MCM3AP: variants seen among roughly 807,000 people sequenced by gnomAD.
The protein encoded by MCM3AP is minichromosome maintenance complex component 3 associated protein, also known as germinal-center associated nuclear protein.
In MCM3AP, 126 loss-of-function variants were observed where a neutral mutation model predicts 184.1. That is an observed-to-expected ratio of 0.68 (90% confidence interval 0.59 to 0.79). The LOEUF (loss-of-function observed/expected upper bound fraction) is 0.79, where lower values mean the gene tolerates loss of function less well. Ranked by LOEUF, MCM3AP falls within the 30% of genes least tolerant of loss-of-function variation. The probability of loss-of-function intolerance (pLI) is 0.00; values close to 1 mark genes in which losing one functional copy is unlikely to be tolerated. For synonymous variants in MCM3AP, 1,002 were observed against 979.3 expected (o/e 1.02, Z -0.43); for missense variants, 2,496 against 2,479.2 (o/e 1.01, Z -0.14).
At chr21:46,251,484 A>C in intron 20 of MCM3AP, 45 bp downstream of exon 20, 1 of 1,510,116 alleles carries the variant, frequency 6.6e-7, no homozygotes, top group East Asian at 2.3e-5. Flanking sequence ...GAGTAAGTGA[A>C]AGTAATGAAA....
rs2081360591 is a variant in MCM3AP at position 46,283,650 on chromosome 21, T to C, written c.1408A>G (p.Ser470Gly). Residue 470 changes from serine (S) to glycine (G), a missense_variant, in exon 2 of 28, where the codon AGC becomes GGC. Physicochemically the swap from Ser to Gly is moderately conservative, Grantham distance 56 (BLOSUM62 0). Transcript: ENST00000291688. ...AKVQRIFTRR[S>G]KKLAVVHFFD... ...AAATGTACCACTGCAAGCTTTTTGC[T>C]GCGCCTGGTAAAGATGCGCTGCACT... is the stretch of plus-strand genomic sequence containing the variant. The C allele has an allele frequency of 6.2e-7, 1 of 1,614,014 alleles. No homozygotes were observed. Among genetic ancestry groups the C allele is most frequent in the Non-Finnish European group, 8.5e-7 (1 of 1,179,962 alleles).
rs753526941 is a variant in MCM3AP at position 46,236,909 on chromosome 21, G to A, written c.5704C>T (p.Leu1902Phe). 28 of 1,575,930 alleles carry A rather than the reference G, an allele frequency of 1.8e-5. No individual in the cohort carries two copies. The highest frequency in any genetic ancestry group is 2.4e-5 in the Non-Finnish European group (28 of 1,166,424). Residue 1902 changes from leucine to phenylalanine, a missense_variant, in exon 27 of 28, where the codon CTC (leucine) becomes TTC (phenylalanine). Leu to Phe is a conservative substitution (Grantham distance 22, BLOSUM62 0). This residue lies in a region of MCM3AP where 1,323 missense variants were observed against 1,273.4 expected (regional missense o/e 1.04). Transcript: ENST00000291688. ...GACACTAGAGTCTGAGGAAGATAGA[G>A]GGGAAGGGAAGTTAAATCCGTAAAT... ...GAFTDLTSLP[L>F]YLPQTLVSLS...
intron 23 of MCM3AP, 161 bp from the exon 24 acceptor site, chr21:46,243,883 AG>A (rs1426124364): frequency 2.9e-6 from 2 of 688,920 alleles, no homozygotes; most frequent in African/African-American, 3.6e-5. Context: ...GCTTGCTCCC[AG>A]GGTCTAGGTG....
intron 13 of MCM3AP, among the ~76,000 whole-genome samples, 190 bp from the exon 14 acceptor site, chr21:46,261,601 C>T (rs750339377): frequency 1.3e-5 from 2 of 151,934 alleles, no homozygotes; most frequent in Non-Finnish European, 2.9e-5. Context: ...GGCGCGGCAG[C>T]ACACGCCTGT....
At position 46,246,743 on chromosome 21, in the gene MCM3AP, C is replaced by G; in HGVS notation, c.4434G>C (p.Ser1478=). 1 of 1,614,206 alleles carries G rather than the reference C, an allele frequency of 6.2e-7. No individual in the cohort carries two copies. The highest frequency in any genetic ancestry group is 8.5e-7 in the Non-Finnish European group (1 of 1,180,034). The part of the protein sequence containing the change: ...DMAEEDVYWL[S]ALLQLKQLLQ... ...GGAGCTGCTTGAGCTGCAGCAAGGC[C>G]GACAGCCAGTACACGTCCTCCTCTG... The change falls in exon 21 of 28, where the codon TCG becomes TCC. Residue 1478 remains serine (S), a synonymous_variant. Coordinates refer to ENST00000291688, the MANE Select transcript of MCM3AP (RefSeq NM_003906.5).
At chr21:46,265,547 A>G (rs2081099735) in intron 11 of MCM3AP, 24 bp from the exon 12 acceptor site, 2 of 1,538,798 alleles carry the variant, frequency 1.3e-6, no homozygotes, top group Non-Finnish European at 8.8e-7. Context: ...TACAGGACAA[A>G]ACATAGCTGC....
chr21:46,260,167 CA>C (rs3834680), intron 15 of MCM3AP, among the ~76,000 whole-genome samples: 60,856 of 151,934 alleles, frequency 0.4, 12,534 homozygotes, highest in Admixed American at 0.47. Context: ...AAACTACAGA[CA>C]CCTAGAAAGA....
At chr21:46,276,162 C>CA (rs1179698094) in intron 5 of MCM3AP, among the ~76,000 whole-genome samples, 1 of 151,606 alleles carries the variant, frequency 6.6e-6, no homozygotes, top group Non-Finnish European at 1.5e-5. Flanking sequence ...TGAGGCAAGA[C>CA]AATCACTTGA....
chr21:46,255,755 C>T (rs17176660), intron 17 of MCM3AP, among the ~76,000 whole-genome samples: 1 of 150,262 alleles, frequency 6.7e-6, no homozygotes, highest in South Asian at 2.1e-4. Flanking sequence ...AGGGGGTGCG[C>T]AGAAGGGCAG....
chr21:46,265,873 TC>T (rs1385687476), intron 11 of MCM3AP, 51 bp downstream of exon 11: 1 of 1,506,130 alleles, frequency 6.6e-7, no homozygotes, highest in African/African-American at 1.4e-5. Context: ...TGGGAGGCGT[TC>T]TGGTGGGAAA....
intron 25 of MCM3AP, 90 bp from the exon 26 acceptor site, chr21:46,241,107 A>C: frequency 2.1e-6 from 2 of 946,728 alleles, no homozygotes; most frequent in Non-Finnish European, 3.3e-6. Context: ...GCACATGTGC[A>C]TTAACATGTA....
At chr21:46,239,709 G>A (rs910864143) in intron 26 of MCM3AP, among the ~76,000 whole-genome samples, 3 of 152,186 alleles carry the variant, frequency 2.0e-5, no homozygotes, top group African/African-American at 4.8e-5. Context: ...GGAGCTGTCA[G>A]AATAGTGATG....
rs1159298859 is a variant in MCM3AP, at chr21:46,277,549, C to G, written c.1836G>C (p.Gln612His). 4 of 1,591,060 alleles carry G rather than the reference C, an allele frequency of 2.5e-6. No homozygotes were observed. Among genetic ancestry groups the G allele is most frequent in the African/African-American group, 1.4e-5 (1 of 73,614 alleles). ...TACCTTGCCGCATGATCCTGTCTCT[C>G]TGGTCAAGCAGGCGGTACTTCTCCT... ...TSKEKYRLLD[Q>H]RDRIMRQARV... The change falls in exon 5 of 28, where the codon CAG becomes CAC. Residue 612 changes from glutamine to histidine, a missense_variant. Coordinates refer to ENST00000291688, the MANE Select transcript of MCM3AP (RefSeq NM_003906.5).
chr21:46,247,361 A>T (rs1189700335), intron 20 of MCM3AP: 2 of 152,490 alleles, frequency 1.3e-5, no homozygotes, highest in Non-Finnish European at 2.9e-5. Flanking sequence ...TTCAGATATA[A>T]GGCATGTTCA....
At position 46,273,415 on chromosome 21, in the gene MCM3AP, C is replaced by G. The variant is rs1180473679; in HGVS notation, c.2169G>C (p.Val723=). 1.2e-6 allele frequency: 2 copies of G among 1,614,030 alleles called. No individual in the cohort carries two copies. The highest frequency in any genetic ancestry group is 1.3e-5 in the African/African-American group (1 of 75,070). Residue 723 remains valine (V), a synonymous_variant, in exon 7 of 28, where the codon GTG becomes GTC. Transcript: ENST00000291688. ...EGSLRDWYDF[V]WNRTRGIRKD... is the part of the protein sequence containing the mutation. ...TCCGTATGCCACGCGTGCGGTTCCA[C>G]ACGAAGTCATACCAATCCCGCAGGC...
At position 46,283,713 on chromosome 21, in the gene MCM3AP, T is replaced by C. The variant is rs1449720166; in HGVS notation, c.1345A>G (p.Arg449Gly). 2 of 1,614,108 alleles carry C rather than the reference T, an allele frequency of 1.2e-6. No homozygotes were observed. The highest frequency in any genetic ancestry group is 2.2e-5 in the East Asian group (1 of 44,890). ...CKNIPDYLND[R>G]TILENHFGKI... The stretch of plus-strand genomic sequence containing the variant: ...CCAAAATGGTTCTCCAGAATGGTCC[T>C]GTCGTTGAGGTAGTCAGGGATGTTC... The change falls in exon 2 of 28, where the codon AGG becomes GGG. Residue 449 changes from arginine (R) to glycine (G), a missense_variant. By Grantham distance (125) the Arg-to-Gly change is moderately radical (BLOSUM62 -2). This residue lies in a region of MCM3AP where 800 missense variants were observed against 717.1 expected (regional missense o/e 1.12). Coordinates refer to ENST00000291688, the MANE Select transcript of MCM3AP (RefSeq NM_003906.5).
In MCM3AP at chr21:46,258,919, T is replaced by A; in HGVS notation, c.3734+20A>T. On this transcript the variant is annotated intron_variant, in intron 16 of 27. Coordinates refer to ENST00000291688, the MANE Select transcript of MCM3AP (RefSeq NM_003906.5). ...CTTCCCCGTGTGTGTGGATTTTGCC[T>A]GTAGGAACACAGGACTCACCGCTGT... The A allele has an allele frequency of 6.2e-7, 1 of 1,613,996 alleles. No homozygotes were observed.
chr21:46,268,623 A>G (rs2081142390), intron 9 of MCM3AP, among the ~76,000 whole-genome samples: 1 of 152,254 alleles, frequency 6.6e-6, no homozygotes, highest in Non-Finnish European at 1.5e-5. Context: ...ACAGCAGTGG[A>G]AACAGCAAGC....
intron 19 of MCM3AP, 26 bp from the exon 20 acceptor site, chr21:46,251,708 CA>C (rs549117278): frequency 3.7e-5 from 52 of 1,404,680 alleles, no homozygotes; most frequent in South Asian, 7.7e-5. Context: ...AAACAAAAAA[CA>C]AAAAAAACAC....
Sources: gnomAD v4.1 joint callset for allele counts (sites outside exome capture counted in the v4.1 genomes callset) on GRCh38, gnomAD v4.1.1 for gene constraint, gnomAD v4.1.1 regional missense constraint, MANE v1.5 for transcripts, NCBI Gene and HGNC (gene_info 2026-07-23, HGNC 2026-07-21) for gene names.